Variants in ARHGAP24 observed in about 807,000 individuals in gnomAD.
ARHGAP24 encodes rho GTPase-activating protein 24.
In ARHGAP24, 50 loss-of-function variants were observed where a neutral mutation model predicts 76.4. That is an observed-to-expected ratio of 0.65 (90% CI 0.52 to 0.83). ARHGAP24 has a LOEUF of 0.83. ARHGAP24 is among the 40% of genes least tolerant of loss of function. ARHGAP24 has a pLI of 0.00. For synonymous variants in ARHGAP24, 345 were observed against 323.3 expected (o/e 1.07, Z -0.72); for missense variants, 930 against 914.2 (o/e 1.02, Z -0.22).
intron 2 of ARHGAP24, among the ~76,000 whole-genome samples, chr4:85,584,331 T>A (rs1002727051): frequency 4.6e-5 from 7 of 150,846 alleles, no homozygotes; most frequent in African/African-American, 1.5e-4. Context: ...CTCAGTAAAC[T>A]ATCACAAGGA....
chr4:85,828,088 G>A, intron 3 of ARHGAP24: 4 of 785,378 alleles, frequency 5.1e-6, no homozygotes, highest in Non-Finnish European at 3.8e-6. Flanking sequence ...GACCTAGACT[G>A]TGTGCGGTTT....
chr4:85,514,927 G>C (rs1310036347), intron 1 of ARHGAP24, among the ~76,000 whole-genome samples: 1 of 147,400 alleles, frequency 6.8e-6, no homozygotes, highest in Non-Finnish European at 1.5e-5. Flanking sequence ...TGGCAGAAAT[G>C]ATTCAAGGAT....
intron 1 of ARHGAP24, among the ~76,000 whole-genome samples, chr4:85,529,563 T>C (rs1725169771): frequency 6.6e-6 from 1 of 152,038 alleles, no homozygotes; most frequent in Non-Finnish European, 1.5e-5. Flanking sequence ...TTTTGGCAGA[T>C]AATTCTTTGT....
chr4:85,683,105 T>TGGGGGGGGGG (rs1723269220), intron 2 of ARHGAP24, among the ~76,000 whole-genome samples: 2 of 13,196 alleles, frequency 1.5e-4, no homozygotes, highest in Non-Finnish European at 2.6e-4. Flanking sequence ...ACTCTCTCAG[T>TGGGGGGGGGG]GTGTGGGGGG....
intron 1 of ARHGAP24, among the ~76,000 whole-genome samples, chr4:85,541,142 C>CTTTTTT (rs70948733): frequency 6.0e-5 from 3 of 49,772 alleles, no homozygotes; most frequent in African/African-American, 2.1e-4. Context: ...CATCCATGAC[C>CTTTTTT]TTTTTTTTTT....
chr4:85,568,033 C>T (rs1726917182), intron 1 of ARHGAP24, among the ~76,000 whole-genome samples: 1 of 152,112 alleles, frequency 6.6e-6, no homozygotes, highest in Admixed American at 6.6e-5. Context: ...TCATTGACTT[C>T]GGTCAGACTT....
At chr4:85,727,606 T>C (rs976819261) in intron 3 of ARHGAP24, among the ~76,000 whole-genome samples, 1 of 152,142 alleles carries the variant, frequency 6.6e-6, no homozygotes, top group African/African-American at 2.4e-5. Flanking sequence ...TGGGATCCAA[T>C]TCTCTTTCAT....
chr4:85,733,608 G>T (rs1674749543), intron 3 of ARHGAP24, among the ~76,000 whole-genome samples: 1 of 152,012 alleles, frequency 6.6e-6, no homozygotes, highest in Admixed American at 6.5e-5. Flanking sequence ...ATAAGCAACA[G>T]AAATGTATTT....
chr4:85,835,647 G>A (rs572029940), intron 3 of ARHGAP24, among the ~76,000 whole-genome samples: 2 of 152,096 alleles, frequency 1.3e-5, no homozygotes, highest in Non-Finnish European at 2.9e-5. Flanking sequence ...AGGTGGAAAG[G>A]ATGTGAAGCG....
At chr4:85,706,799 C>T (rs984314854) in intron 2 of ARHGAP24, among the ~76,000 whole-genome samples, 1 of 151,960 alleles carries the variant, frequency 6.6e-6, no homozygotes, top group African/African-American at 2.4e-5. Context: ...CTCCTGACCT[C>T]GTGATCCGCC....
At chr4:85,591,704 C>G (rs1436165993) in intron 2 of ARHGAP24, among the ~76,000 whole-genome samples, 1 of 152,128 alleles carries the variant, frequency 6.6e-6, no homozygotes, top group Non-Finnish European at 1.5e-5. Context: ...CCCTGTAATA[C>G]TCACGTGCAC....
At chr4:85,677,784 C>G (rs894571696) in intron 2 of ARHGAP24, among the ~76,000 whole-genome samples, 12 of 152,174 alleles carry the variant, frequency 7.9e-5, no homozygotes, top group Non-Finnish European at 1.6e-4. Flanking sequence ...TTTGTAGGCT[C>G]TTGTTTCTCA....
intron 4 of ARHGAP24, among the ~76,000 whole-genome samples, chr4:85,936,332 G>A (rs773861560): frequency 6.6e-6 from 1 of 152,098 alleles, no homozygotes; most frequent in Non-Finnish European, 1.5e-5. Context: ...TTATTTCCAT[G>A]CATGCATTTA....
intron 2 of ARHGAP24, among the ~76,000 whole-genome samples, chr4:85,639,561 G>A (rs536831279): frequency 6.6e-6 from 1 of 152,048 alleles, no homozygotes; most frequent in Non-Finnish European, 1.5e-5. Flanking sequence ...ATTGCTGAAT[G>A]TCCTTTGAAT....
intron 3 of ARHGAP24, among the ~76,000 whole-genome samples, chr4:85,762,023 C>T (rs1165740420): frequency 7.2e-5 from 11 of 152,178 alleles, no homozygotes. Flanking sequence ...AAGAACTCAG[C>T]CAGTTGGCCA....
At chr4:85,489,571 G>A (rs1723278352) in intron 1 of ARHGAP24, among the ~76,000 whole-genome samples, 1 of 152,192 alleles carries the variant, frequency 6.6e-6, no homozygotes, top group Admixed American at 6.5e-5. Context: ...TTCATCTGGA[G>A]CAAGGTGAGC....
chr4:85,795,052 A>G (rs1728288893), intron 3 of ARHGAP24, among the ~76,000 whole-genome samples: 1 of 152,182 alleles, frequency 6.6e-6, no homozygotes. Context: ...GAATTCGTAG[A>G]TAATCTCCAG....
intron 8 of ARHGAP24, among the ~76,000 whole-genome samples, chr4:85,989,644 C>G (rs896192469): frequency 1.3e-5 from 2 of 151,508 alleles, no homozygotes; most frequent in Non-Finnish European, 3.0e-5. Flanking sequence ...TAAACAAAAC[C>G]TTACTGGATT....
chr4:85,780,955 CA>C (rs1727529131), intron 3 of ARHGAP24, among the ~76,000 whole-genome samples: 1 of 152,190 alleles, frequency 6.6e-6, no homozygotes, highest in East Asian at 1.9e-4. Context: ...AAACAAATCC[CA>C]AGAGGCATAC....
Sources: allele counts gnomAD v4.1 joint callset (sites outside exome capture counted in the v4.1 genomes callset), GRCh38; gene constraint gnomAD v4.1.1; transcripts MANE v1.5; gene names NCBI Gene and HGNC (gene_info 2026-07-23, HGNC 2026-07-21).